The following EPHB2 variants were observed in gnomAD, a reference collection of about 807,000 sequenced individuals.
EPHB2 encodes the protein EPH receptor B2, also known as ephrin type-B receptor 2.
Under a neutral mutation model 96.4 loss-of-function variants are expected in EPHB2, and 18 were observed. The observed-to-expected ratio is 0.19, with a 90% CI of 0.13 to 0.28. The LOEUF (loss-of-function observed/expected upper bound fraction) is 0.28. EPHB2 is among the 10% of genes least tolerant of loss of function. EPHB2 has a pLI of 1.00. For missense variants in EPHB2, 989 were observed against 1,355.4 expected (o/e 0.73, Z 4.25); for synonymous variants, 506 against 534.1 (o/e 0.95, Z 0.72).
chr1:22,736,788 G>A (rs1414861620), intron 1 of EPHB2, among the ~76,000 whole-genome samples: 2 of 152,182 alleles, frequency 1.3e-5, no homozygotes, highest in African/African-American at 4.8e-5. Flanking sequence ...ACTGTGGGGC[G>A]GCCGCAGGGG....
At chr1:22,734,744 G>C (rs1379351594) in intron 1 of EPHB2, among the ~76,000 whole-genome samples, 1 of 152,100 alleles carries the variant, frequency 6.6e-6, no homozygotes, top group East Asian at 1.9e-4. Context: ...TTATTTTGCT[G>C]TGGTTCTTAA....
intron 5 of EPHB2, among the ~76,000 whole-genome samples, chr1:22,874,647 C>A (rs1638780437): frequency 6.6e-6 from 1 of 152,144 alleles, no homozygotes; most frequent in Non-Finnish European, 1.5e-5. Flanking sequence ...AGGGATTAAC[C>A]CCTACTCCAT....
chr1:22,771,686 C>T (rs900650295), intron 1 of EPHB2, among the ~76,000 whole-genome samples: 34 of 152,214 alleles, frequency 2.2e-4, no homozygotes, highest in African/African-American at 7.2e-4. Context: ...TGAGTATTAA[C>T]GTGGCAGGCA....
chr1:22,902,787 C>G (rs1336171496), intron 9 of EPHB2, among the ~76,000 whole-genome samples: 12 of 152,056 alleles, frequency 7.9e-5, no homozygotes, highest in Non-Finnish European at 1.5e-5. Context: ...AACCCCGGTA[C>G]AAGGTAGAAA....
intron 11 of EPHB2, 57 bp from the exon 12 acceptor site, chr1:22,907,896 C>G: frequency 6.3e-7 from 1 of 1,590,592 alleles, no homozygotes; most frequent in South Asian, 1.1e-5. Flanking sequence ...GAGGATGATG[C>G]AGAGCTCTGA....
intron 3 of EPHB2, among the ~76,000 whole-genome samples, chr1:22,848,806 G>A (rs55706919): frequency 0.23 from 34,245 of 152,034 alleles, 4,178 homozygotes; most frequent in East Asian, 0.47. Context: ...AGGCCACTGG[G>A]GCACAAGCAG....
In EPHB2 at chr1:22,882,639, A is replaced by G. The variant is rs926180668; in HGVS notation, c.1428+156A>G. ...AGTCAGGCTGCCTGGCTCCCAATCCAGCTCCGCTCCTTCCCACTGTGAGAC... is the reference window on the plus strand; with the variant it reads ...AGTCAGGCTGCCTGGCTCCCAATCCGGCTCCGCTCCTTCCCACTGTGAGAC... On this transcript the variant is annotated intron_variant, in intron 6 of 15. Coordinates refer to ENST00000374630, the MANE Select transcript of EPHB2 (RefSeq NM_017449.5). 1.1e-5 allele frequency: 13 copies of G among 1,171,178 alleles called. No individual in the cohort carries two copies. The Admixed American group carries it at 2.1e-4, about 19-fold the overall frequency. 72.5% of individuals were successfully genotyped at this position (1,171,178 alleles called of 1,614,324 possible).
In EPHB2 at chr1:22,870,645, G is replaced by A. The variant is rs558549017; in HGVS notation, c.1303+5433G>A. 2.7e-3 allele frequency among the ~76,000 whole-genome samples: 416 copies of A among 152,252 alleles called. 2 individuals are homozygous for A. Among genetic ancestry groups the A allele is most frequent in the Non-Finnish European group, 4.8e-3 (326 of 68,020 alleles). ...GGAGGTGTAGCATTTCACTGATCCC[G>A]GGCTTCTATCCAGCGCCCTTGGCCA... On this transcript the variant is annotated intron_variant, in intron 5 of 15. Transcript: ENST00000374630.
chr1:22,897,943 A>C lies in EPHB2; in HGVS notation c.1765+1465A>C, dbSNP rs184019027. 1.1e-4 allele frequency among the ~76,000 whole-genome samples: 16 copies of C among 152,198 alleles called. No homozygotes were observed. In the East Asian group the frequency reaches 2.7e-3, roughly 26 times the overall value. ...GATGAAACCCTGTCTCTACCAAAAA[A>C]AGTTCAAAAATTAGCTGGGTGTGGT... On this transcript the variant is annotated intron_variant, in intron 9 of 15. Transcript: ENST00000374630.
intron 1 of EPHB2, among the ~76,000 whole-genome samples, chr1:22,723,938 GTAT>G (rs1370614754): frequency 2.0e-5 from 3 of 152,194 alleles, no homozygotes; most frequent in Non-Finnish European, 4.4e-5. Context: ...CTGGGCTTAG[GTAT>G]TATTGTTAGC....
chr1:22,868,387 C>T (rs1202930040), intron 5 of EPHB2, among the ~76,000 whole-genome samples: 1 of 152,136 alleles, frequency 6.6e-6, no homozygotes, highest in Non-Finnish European at 1.5e-5. Context: ...TTCATTTAGT[C>T]AGTGTATGAG....
intron 7 of EPHB2, among the ~76,000 whole-genome samples, chr1:22,894,146 G>T (rs1006590408): frequency 6.6e-6 from 1 of 152,140 alleles, no homozygotes; most frequent in Admixed American, 6.5e-5. Flanking sequence ...TTGGGTGAGT[G>T]TCATTGACTG....
chr1:22,899,010 A>G (rs1196463878), intron 9 of EPHB2, among the ~76,000 whole-genome samples: 2 of 152,102 alleles, frequency 1.3e-5, no homozygotes, highest in Non-Finnish European at 2.9e-5. Context: ...CCTGACCAAC[A>G]CAGAGAAACC....
In EPHB2 at chr1:22,793,659, A is replaced by G. The variant is rs144501054; in HGVS notation, c.811+8583A>G. Among the ~76,000 whole-genome samples the G allele has an allele frequency of 4.6e-5, 7 of 152,254 alleles. No individual in the cohort carries two copies. The East Asian group carries it at 1.4e-3, about 29-fold the overall frequency. ...TCAGTTCTACTGCCCTCGCAGGCTG[A>G]GGGTAGTCCTGAGAGGCCTGGAGGA... On this transcript the variant is annotated intron_variant, in intron 3 of 15. Coordinates refer to ENST00000374630, the MANE Select transcript of EPHB2 (RefSeq NM_017449.5).
chr1:22,847,890 T>A (rs904961768), intron 3 of EPHB2, among the ~76,000 whole-genome samples: 6 of 152,300 alleles, frequency 3.9e-5, no homozygotes, highest in African/African-American at 1.2e-4. Context: ...GACAGACTCC[T>A]ACTCATCCTT....
chr1:22,909,163 A>G lies in EPHB2; in HGVS notation c.2494A>G (p.Asn832Asp). The change falls in exon 13 of 16, where the codon AAC (asparagine) becomes GAC (aspartate). Residue 832 changes from asparagine (N) to aspartate (D), a missense_variant. Coordinates refer to ENST00000374630, the MANE Select transcript of EPHB2 (RefSeq NM_017449.5). ...GGAGCGGCCCTACTGGGACATGACC[A>G]ACCAGGATGTAAGTCTCCAAGGGGA... Reference protein sequence around the residue: ...YGERPYWDMTNQDVINAIEQD... With the variant: ...YGERPYWDMTDQDVINAIEQD... 6.2e-7 allele frequency: 1 copy of G among 1,614,222 alleles called. No individual in the cohort carries two copies. The highest frequency in any genetic ancestry group is 8.5e-7 in the Non-Finnish European group (1 of 1,180,026).
chr1:22,797,332 C>T (rs1644781150), intron 3 of EPHB2, among the ~76,000 whole-genome samples: 1 of 152,154 alleles, frequency 6.6e-6, no homozygotes. Context: ...CGTAATGTCC[C>T]AGACCTCATC....
rs554665317 is a variant in EPHB2 at position 22,872,324 on chromosome 1, A to G, written c.1303+7112A>G. ...TGGTTCTTTGACTCTCTGCTGGGAA[A>G]GGTTCTCTTCATGTAAGCACTCAAG... On this transcript the variant is annotated intron_variant, in intron 5 of 15. Coordinates refer to ENST00000374630, the MANE Select transcript of EPHB2 (RefSeq NM_017449.5). Among the ~76,000 whole-genome samples the G allele has an allele frequency of 3.8e-4, 58 of 152,256 alleles. 1 individual carries two copies. Among genetic ancestry groups the G allele is most frequent in the African/African-American group, 1.2e-3 (50 of 41,556 alleles).
At chr1:22,734,693 T>G (rs1361018929) in intron 1 of EPHB2, among the ~76,000 whole-genome samples, 1 of 152,168 alleles carries the variant, frequency 6.6e-6, no homozygotes, top group East Asian at 1.9e-4. Flanking sequence ...AGCACTGGGA[T>G]TTACAGGCAT....
Sources: gnomAD v4.1 joint callset for allele counts (sites outside exome capture counted in the v4.1 genomes callset) on GRCh38, gnomAD v4.1.1 for gene constraint, MANE v1.5 for transcripts, NCBI Gene and HGNC (gene_info 2026-07-23, HGNC 2026-07-21) for gene names.